Variants in CYB5B observed in about 807,000 individuals in gnomAD.
The protein encoded by CYB5B is cytochrome b5 type B (outer mitochondrial membrane).
Under a neutral mutation model 21.3 loss-of-function variants are expected in CYB5B, and 14 were observed. The ratio of observed to expected loss-of-function variants is 0.66; its 90% CI spans 0.43 to 1.03. The LOEUF (loss-of-function observed/expected upper bound fraction) is 1.03, where lower values mean the gene tolerates loss of function less well. Among genes scored for constraint, CYB5B ranks in the 50% least tolerant of loss-of-function variants. The pLI, the probability that CYB5B is intolerant of heterozygous loss-of-function variation, is 0.00. For synonymous variants in CYB5B, 69 were observed against 68.4 expected, an observed-to-expected ratio of 1.01 and a Z score of -0.04; for missense variants, 166 against 185.1, an observed-to-expected ratio of 0.90 and a Z score of 0.60.
intron 1 of CYB5B, among the ~76,000 whole-genome samples, chr16:69,438,051 A>G (rs1456347536): frequency 6.6e-6 from 1 of 152,204 alleles, no homozygotes; most frequent in Non-Finnish European, 1.5e-5. Flanking sequence ...CTCTGTACTT[A>G]TTAAATAACT....
intron 1 of CYB5B, among the ~76,000 whole-genome samples, chr16:69,442,477 A>G (rs2014833967): frequency 6.6e-6 from 1 of 152,124 alleles, no homozygotes; most frequent in South Asian, 2.1e-4. Flanking sequence ...CTGCATGCTC[A>G]GCGGCTCATA....
intron 1 of CYB5B, among the ~76,000 whole-genome samples, chr16:69,425,276 C>T (rs2014631656): frequency 6.6e-6 from 1 of 152,142 alleles, no homozygotes; most frequent in Admixed American, 6.5e-5. Flanking sequence ...TGAAGTAATA[C>T]CGGTTTTGGT....
At chr16:69,455,423 G>T (rs886812123) in intron 3 of CYB5B, among the ~76,000 whole-genome samples, 85 of 143,670 alleles carry the variant, frequency 5.9e-4, no homozygotes, top group African/African-American at 2.0e-3. Context: ...TTTTTTTGGT[G>T]GGGGGACGAA....
chr16:69,447,309 G>T, intron 2 of CYB5B, 31 bp downstream of exon 2: 1 of 1,606,724 alleles, frequency 6.2e-7, no homozygotes, highest in Non-Finnish European at 8.5e-7. Context: ...GAGCCCTTAT[G>T]CAGAGAAAAC....
Position 69,463,284 on chromosome 16 carries a change from C to G in CYB5B, c.*764C>G, listed in dbSNP as rs898395368. 6.6e-6 allele frequency: 1 copy of G among 152,144 alleles called. No individual in the cohort carries two copies. The highest frequency in any genetic ancestry group is 2.4e-5 in the African/African-American group (1 of 41,418). 9.4% of individuals were successfully genotyped at this position (152,144 alleles called of 1,614,324 possible). A position where few individuals can be genotyped will look rare whatever the true frequency, so the allele number is the denominator to read the frequency against. On this transcript the variant is annotated 3_prime_UTR_variant, in exon 5 of 5. Transcript: ENST00000307892. ...TCTTCCCAGCCCCTGAGCCCAGCCC[C>G]TTCCCAAGTGGTGCCGGACAAAAAA... is the stretch of plus-strand genomic sequence containing the variant.
intron 3 of CYB5B, among the ~76,000 whole-genome samples, chr16:69,450,425 A>T (rs2014921382): frequency 6.6e-6 from 1 of 152,200 alleles, no homozygotes; most frequent in African/African-American, 2.4e-5. Flanking sequence ...CTCAAGGGAC[A>T]TGTCTTCATT....
At position 69,424,700 on chromosome 16, in the gene CYB5B, C is replaced by T. The variant is rs765675322; in HGVS notation, c.17C>T (p.Ala6Val). 36 of 1,586,182 alleles carry T rather than the reference C, an allele frequency of 2.3e-5. No individual in the cohort carries two copies. The highest frequency in any genetic ancestry group is 2.8e-5 in the Non-Finnish European group (33 of 1,165,914). ...AGAGGCAGTATGTCCGGTTCAATGGCGACTGCGGAAGCTAGCGGCAGCGAT... is the reference window on the plus strand; with the variant it reads ...AGAGGCAGTATGTCCGGTTCAATGGTGACTGCGGAAGCTAGCGGCAGCGAT... MSGSM[A>V]TAEASGSDGK... Residue 6 changes from alanine to valine, a missense_variant, in exon 1 of 5, where the codon GCG (alanine) becomes GTG (valine). Transcript: ENST00000307892.
At chr16:69,429,585 TGAG>T (rs1182478224) in intron 1 of CYB5B, among the ~76,000 whole-genome samples, 3 of 152,142 alleles carry the variant, frequency 2.0e-5, no homozygotes, top group East Asian at 1.9e-4. Flanking sequence ...AGGGCAGAAT[TGAG>T]GAGACCAGTT....
chr16:69,447,288 A>G lies in CYB5B; in HGVS notation c.303+10A>G, dbSNP rs1466509529. 1.9e-6 allele frequency: 3 copies of G among 1,612,504 alleles called. No homozygotes were observed. Among genetic ancestry groups the G allele is most frequent in the South Asian group, 2.2e-5 (2 of 90,976 alleles). ...TGGTGATATCCATCCGGTAAGAACT[A>G]TCAGAGATGGGAGCCCTTATGCAGA... is the stretch of plus-strand genomic sequence containing the variant. On this transcript the variant is annotated intron_variant, in intron 2 of 4. Transcript: ENST00000307892.
At chr16:69,462,338 C>T (rs2015043061) in intron 4 of CYB5B, 92 bp from the exon 5 acceptor site, 10 of 1,016,012 alleles carry the variant, frequency 9.8e-6, no homozygotes, top group Non-Finnish European at 1.4e-5. Context: ...ATAAAAACTC[C>T]TTGCCTATAT....
chr16:69,438,045 G>C (rs556284951), intron 1 of CYB5B, among the ~76,000 whole-genome samples: 1 of 152,070 alleles, frequency 6.6e-6, no homozygotes, highest in South Asian at 2.1e-4. Context: ...CTGAAACTCT[G>C]TACTTATTAA....
chr16:69,463,904 T>A lies in CYB5B; in HGVS notation c.*1384T>A, dbSNP rs2015060750. 1 of 152,242 alleles carries A rather than the reference T, an allele frequency of 6.6e-6. No homozygotes were observed. The highest frequency in any genetic ancestry group is 1.5e-5 in the Non-Finnish European group (1 of 68,044). 9.4% of individuals were successfully genotyped at this position (152,242 alleles called of 1,614,324 possible). A position where few individuals can be genotyped will look rare whatever the true frequency, so the allele number is the denominator to read the frequency against. On this transcript the variant is annotated 3_prime_UTR_variant, in exon 5 of 5. Transcript: ENST00000307892. ...TCTGGCATATTAGACTTTTATTTTTTCCCCCATGGAAGCACTTGAGGAAAT... is the reference window on the plus strand; with the variant it reads ...TCTGGCATATTAGACTTTTATTTTTACCCCCATGGAAGCACTTGAGGAAAT...
chr16:69,429,421 A>G (rs147808260), intron 1 of CYB5B, among the ~76,000 whole-genome samples: 2 of 152,214 alleles, frequency 1.3e-5, no homozygotes, highest in East Asian at 3.9e-4. Flanking sequence ...TGATTGGTGC[A>G]TTTACAATCC....
rs1430983451 is a variant in CYB5B, at chr16:69,462,911, A to G, written c.*391A>G. 6.4e-6 allele frequency: 1 copy of G among 155,872 alleles called. No homozygotes were observed. The highest frequency in any genetic ancestry group is 1.4e-5 in the Non-Finnish European group (1 of 70,294). 9.7% of individuals were successfully genotyped at this position (155,872 alleles called of 1,614,324 possible). On this transcript the variant is annotated 3_prime_UTR_variant, in exon 5 of 5. Transcript: ENST00000307892. Reference sequence around the variant, plus strand: ...GCGGCAGTCTAGTGTTGAAAGTTTTATTTTTCCATTTTTCTTTTAAGTAAA... The same window carrying G: ...GCGGCAGTCTAGTGTTGAAAGTTTTGTTTTTCCATTTTTCTTTTAAGTAAA...
chr16:69,462,313 A>C, intron 4 of CYB5B, 117 bp from the exon 5 acceptor site: 1 of 765,594 alleles, frequency 1.3e-6, no homozygotes, highest in Non-Finnish European at 2.2e-6. Context: ...AAAGCAGTTA[A>C]ATTTCCCAAA....
chr16:69,433,147 A>G (rs1374742760), intron 1 of CYB5B, among the ~76,000 whole-genome samples: 3 of 152,140 alleles, frequency 2.0e-5, no homozygotes, highest in African/African-American at 4.8e-5. Flanking sequence ...AATGTTTTTC[A>G]TGGCTGCAGA....
chr16:69,450,236 A>AAAAAAAAAAC (rs1567474122), intron 3 of CYB5B: 1 of 144,432 alleles, frequency 6.9e-6, no homozygotes, highest in Non-Finnish European at 1.5e-5. Flanking sequence ...AAAAAAAAAA[A>AAAAAAAAAAC]AAAACCCAAA....
chr16:69,461,278 C>T (rs4783708), intron 4 of CYB5B, among the ~76,000 whole-genome samples: 128,825 of 152,074 alleles, frequency 0.85, 54,920 homozygotes, highest in African/African-American at 0.94. Context: ...TTGGATTCTT[C>T]AGTCTCTTGC....
intron 2 of CYB5B, 123 bp from the exon 3 acceptor site, chr16:69,447,992 A>G (rs1328591586): frequency 4.0e-6 from 4 of 1,007,214 alleles, no homozygotes; most frequent in East Asian, 2.5e-5. Context: ...TGGATCCTCA[A>G]ATCTCCCAGG....
Sources: gnomAD v4.1 joint callset for allele counts (sites outside exome capture counted in the v4.1 genomes callset) on GRCh38, gnomAD v4.1.1 for gene constraint, MANE v1.5 for transcripts, NCBI Gene and HGNC (gene_info 2026-07-23, HGNC 2026-07-21) for gene names.